Variants in CTNNA2 observed in about 807,000 individuals in gnomAD.
CTNNA2 encodes the protein catenin alpha 2, also known as catenin alpha-2.
A neutral mutation model predicts 101.0 loss-of-function variants in CTNNA2; 42 were observed. The ratio of observed to expected loss-of-function variants is 0.42; its 90% CI spans 0.32 to 0.54. The LOEUF is 0.54. CTNNA2 is among the 20% of genes least tolerant of loss of function. The pLI, the probability that CTNNA2 is intolerant of heterozygous loss-of-function variation, is 0.14. For synonymous variants in CTNNA2, 450 were observed against 456.4 expected (o/e 0.99, Z 0.18); for missense variants, 871 against 1,223.1 (o/e 0.71, Z 4.29).
intron 8 of CTNNA2, among the ~76,000 whole-genome samples, chr2:80,397,784 T>A (rs568875508): frequency 1.3e-5 from 2 of 152,278 alleles, no homozygotes; most frequent in South Asian, 4.1e-4. Flanking sequence ...TGTGGACGTA[T>A]GGAAGCTGCA....
chr2:79,591,908 A>ATTT (rs35116136), intron 1 of CTNNA2, among the ~76,000 whole-genome samples: 8 of 132,046 alleles, frequency 6.1e-5, no homozygotes, highest in African/African-American at 1.9e-4. Context: ...TGAAAAAAAA[A>ATTT]TTTTTTTTTT....
chr2:79,623,278 G>A (rs1437054415), intron 1 of CTNNA2, among the ~76,000 whole-genome samples: 1 of 152,054 alleles, frequency 6.6e-6, no homozygotes, highest in Non-Finnish European at 1.5e-5. Flanking sequence ...TCATCCTTTT[G>A]GTGCAGTTGT....
rs77914718 is a variant in CTNNA2, at chr2:80,171,220, C to T, written c.1057-221991C>T. 1.8e-3 allele frequency among the ~76,000 whole-genome samples: 280 copies of T among 152,296 alleles called. 3 individuals are homozygous for T. Among genetic ancestry groups the T allele is most frequent in the East Asian group, 0.015 (78 of 5,184 alleles). ...ACAAGAGCCCATCTCAGTTCAGGCA[C>T]GATCGTGCTTGATGGAAAAGCATGT... On this transcript the variant is annotated intron_variant, in intron 7 of 18. Coordinates refer to ENST00000402739, the MANE Select transcript of CTNNA2 (RefSeq NM_001282597.3).
chr2:80,004,995 C>T (rs1693230044), intron 7 of CTNNA2, among the ~76,000 whole-genome samples: 1 of 152,180 alleles, frequency 6.6e-6, no homozygotes, highest in Non-Finnish European at 1.5e-5. Context: ...CGTGCCCAAA[C>T]AGAGGCAACA....
chr2:79,332,265 C>A (rs1475425347), intron 3 of CTNNA2, among the ~76,000 whole-genome samples: 1 of 149,088 alleles, frequency 6.7e-6, no homozygotes, highest in African/African-American at 2.5e-5. Flanking sequence ...TATATTTTAA[C>A]CTCAGAGGCA....
intron 9 of CTNNA2, among the ~76,000 whole-genome samples, chr2:80,466,999 T>C (rs1310837800): frequency 6.6e-6 from 1 of 152,224 alleles, no homozygotes; most frequent in Non-Finnish European, 1.5e-5. Flanking sequence ...AGACTAGATA[T>C]CATGAAGCAT....
intron 1 of CTNNA2, among the ~76,000 whole-genome samples, chr2:79,623,237 C>G (rs1679103923): frequency 6.6e-6 from 1 of 152,186 alleles, no homozygotes; most frequent in East Asian, 1.9e-4. Flanking sequence ...ATGTTATTTG[C>G]CATTTTCTGA....
chr2:80,430,605 C>A (rs1250057983), intron 9 of CTNNA2, among the ~76,000 whole-genome samples: 1 of 152,096 alleles, frequency 6.6e-6, no homozygotes. Flanking sequence ...CATAAGCCAG[C>A]ATACTGGTAA....
At chr2:80,571,055 C>T (rs549576737) in intron 12 of CTNNA2, among the ~76,000 whole-genome samples, 1 of 152,176 alleles carries the variant, frequency 6.6e-6, no homozygotes, top group Non-Finnish European at 1.5e-5. Flanking sequence ...TTGCACCAAC[C>T]TAATAGCATG....
At chr2:79,262,340 A>C (rs1303842206) in intron 2 of CTNNA2, among the ~76,000 whole-genome samples, 1 of 152,206 alleles carries the variant, frequency 6.6e-6, no homozygotes, top group South Asian at 2.1e-4. Context: ...TGACTCAAGA[A>C]AAACAAGATC....
At chr2:79,495,714 A>G (rs1480110481) in intron 4 of CTNNA2, among the ~76,000 whole-genome samples, 1 of 152,204 alleles carries the variant, frequency 6.6e-6, no homozygotes, top group South Asian at 2.1e-4. Flanking sequence ...ATATCTATTA[A>G]TTGATAAATG....
At chr2:80,362,837 G>A (rs922922693) in intron 7 of CTNNA2, among the ~76,000 whole-genome samples, 6 of 151,724 alleles carry the variant, frequency 4.0e-5, no homozygotes, top group African/African-American at 1.2e-4. Context: ...TAAATGTTAG[G>A]AACTGGGCGT....
chr2:79,568,721 G>T (rs568258442), intron 1 of CTNNA2, among the ~76,000 whole-genome samples: 2 of 150,086 alleles, frequency 1.3e-5, no homozygotes, highest in Admixed American at 1.3e-4. Context: ...AACCCATTTT[G>T]TATTTAAATA....
chr2:80,142,795 A>C (rs1476177992), intron 7 of CTNNA2, among the ~76,000 whole-genome samples: 1 of 152,164 alleles, frequency 6.6e-6, no homozygotes, highest in Non-Finnish European at 1.5e-5. Flanking sequence ...TTACTGGCCT[A>C]ACCAGAAACA....
chr2:79,923,532 C>A (rs1595326), intron 7 of CTNNA2, among the ~76,000 whole-genome samples: 16,586 of 152,034 alleles, frequency 0.11, 1,170 homozygotes, highest in East Asian at 0.26. Context: ...AGAAAGATTA[C>A]ATCAAACTAA....
At chr2:80,464,909 A>G (rs1269988225) in intron 9 of CTNNA2, among the ~76,000 whole-genome samples, 1 of 152,194 alleles carries the variant, frequency 6.6e-6, no homozygotes, top group African/African-American at 2.4e-5. Flanking sequence ...AAATTCAGGC[A>G]TTCTGGTTCC....
chr2:79,691,112 C>G (rs1406982974), intron 2 of CTNNA2, among the ~76,000 whole-genome samples: 1 of 151,842 alleles, frequency 6.6e-6, no homozygotes, highest in African/African-American at 2.4e-5. Flanking sequence ...TGACTGTTGA[C>G]TCTGTAAAAC....
At chr2:79,660,074 A>C (rs754049871) in intron 2 of CTNNA2, among the ~76,000 whole-genome samples, 4 of 152,108 alleles carry the variant, frequency 2.6e-5, no homozygotes, top group Non-Finnish European at 2.9e-5. Flanking sequence ...AAATCTCTGC[A>C]TCTTTCCTTG....
At chr2:79,308,400 G>A (rs1184232518) in intron 2 of CTNNA2, among the ~76,000 whole-genome samples, 2 of 152,056 alleles carry the variant, frequency 1.3e-5, no homozygotes, top group African/African-American at 2.4e-5. Context: ...AGATGTTTGA[G>A]CTTCTTGTAT....
Sources: allele counts gnomAD v4.1 joint callset (sites outside exome capture counted in the v4.1 genomes callset), GRCh38; gene constraint gnomAD v4.1.1; transcripts MANE v1.5; gene names NCBI Gene and HGNC (gene_info 2026-07-23, HGNC 2026-07-21).